Variants in ADAMTS6 observed in about 807,000 individuals in gnomAD.
ADAMTS6 encodes ADAM metallopeptidase with thrombospondin type 1 motif 6, also known as A disintegrin and metalloproteinase with thrombospondin motifs 6.
In ADAMTS6, 23 loss-of-function variants were observed where a neutral mutation model predicts 144.3. That is an observed-to-expected ratio of 0.16 (90% confidence interval 0.11 to 0.23). The LOEUF (loss-of-function observed/expected upper bound fraction) is 0.23. ADAMTS6 is among the 10% of genes least tolerant of loss of function. The pLI is 1.00. For synonymous variants in ADAMTS6, 444 were observed against 457.5 expected (o/e 0.97, Z 0.38); for missense variants, 999 against 1,379.6 (o/e 0.72, Z 4.37).
chr5:65,223,299 T>G (rs1757464661), intron 18 of ADAMTS6, among the ~76,000 whole-genome samples: 1 of 152,228 alleles, frequency 6.6e-6, no homozygotes. Flanking sequence ...ATCAAGCTAA[T>G]TTACATATCC....
At chr5:65,250,242 C>T (rs1760034824) in intron 14 of ADAMTS6, among the ~76,000 whole-genome samples, 1 of 152,154 alleles carries the variant, frequency 6.6e-6, no homozygotes, top group African/African-American at 2.4e-5. Context: ...TTTCATACAG[C>T]CTATTTATAT....
At chr5:65,398,399 C>T (rs938491826) in intron 7 of ADAMTS6, among the ~76,000 whole-genome samples, 3 of 152,160 alleles carry the variant, frequency 2.0e-5, no homozygotes, top group African/African-American at 7.2e-5. Flanking sequence ...TCCTTGATAA[C>T]TTTCCTTGCT....
intron 7 of ADAMTS6, among the ~76,000 whole-genome samples, chr5:65,385,421 C>T (rs984159423): frequency 2.0e-5 from 3 of 152,130 alleles, no homozygotes; most frequent in African/African-American, 7.2e-5. Flanking sequence ...TTCAGCTTTG[C>T]GATTTTTTAA....
chr5:65,468,371 G>A (rs1382685027), intron 3 of ADAMTS6, among the ~76,000 whole-genome samples: 3 of 151,336 alleles, frequency 2.0e-5, no homozygotes, highest in African/African-American at 7.3e-5. Context: ...CATAGGAGGT[G>A]GAGGTTGCAG....
chr5:65,275,379 GA>G (rs1486793539), intron 11 of ADAMTS6, among the ~76,000 whole-genome samples: 1 of 127,518 alleles, frequency 7.8e-6, no homozygotes, highest in African/African-American at 3.0e-5. Flanking sequence ...AAGAAAGAAA[GA>G]AAGAAAGAAA....
At chr5:65,152,949 T>C (rs1332551094) in intron 24 of ADAMTS6, among the ~76,000 whole-genome samples, 2 of 152,192 alleles carry the variant, frequency 1.3e-5, no homozygotes, top group Admixed American at 6.5e-5. Flanking sequence ...CCTGGGTAAA[T>C]TGTTGAAGGT....
chr5:65,326,127 A>G (rs72760541), intron 9 of ADAMTS6, among the ~76,000 whole-genome samples: 7,128 of 152,140 alleles, frequency 0.047, 209 homozygotes, highest in East Asian at 0.11. Flanking sequence ...ACCCCTTGTT[A>G]AGATTATTTG....
rs1036136190 is a variant in ADAMTS6 at position 65,460,112 on chromosome 5, G to C, written c.631+58C>G. 3 of 1,553,662 alleles carry C rather than the reference G, an allele frequency of 1.9e-6. No homozygotes were observed. The African/African-American group carries it at 4.1e-5, about 21-fold the overall frequency. On this transcript the variant is annotated intron_variant, in intron 4 of 24. Coordinates refer to ENST00000381055, the MANE Select transcript of ADAMTS6 (RefSeq NM_197941.4). ...GCTAACCTTACTATACTTGCCAGAA[G>C]AAAGAAAAAGCAGCAATCCAGTACA...
At chr5:65,173,849 C>G (rs1168788405) in intron 22 of ADAMTS6, among the ~76,000 whole-genome samples, 2 of 151,954 alleles carry the variant, frequency 1.3e-5, no homozygotes, top group African/African-American at 2.4e-5. Flanking sequence ...ATGGTGAAAC[C>G]CTGTCTCTAC....
chr5:65,449,251 C>T (rs190980879), intron 7 of ADAMTS6, among the ~76,000 whole-genome samples: 32 of 152,322 alleles, frequency 2.1e-4, no homozygotes, highest in Admixed American at 3.9e-4. Flanking sequence ...ATGAACTCTT[C>T]GAACTACTAA....
intron 7 of ADAMTS6, among the ~76,000 whole-genome samples, chr5:65,352,874 G>T (rs1748992447): frequency 6.6e-6 from 1 of 151,872 alleles, no homozygotes; most frequent in African/African-American, 2.4e-5. Flanking sequence ...CACCCTACTT[G>T]TCATGGCCTA....
At chr5:65,169,891 AG>A (rs58328094) in intron 24 of ADAMTS6, among the ~76,000 whole-genome samples, 5 of 82,174 alleles carry the variant, frequency 6.1e-5, no homozygotes, top group Middle Eastern at 7.4e-3. Context: ...TGTGGTGGGG[AG>A]GGGGGAGGGG....
At chr5:65,423,451 T>G (rs1455948992) in intron 7 of ADAMTS6, among the ~76,000 whole-genome samples, 1 of 152,160 alleles carries the variant, frequency 6.6e-6, no homozygotes, top group Non-Finnish European at 1.5e-5. Flanking sequence ...GTAACAAAAT[T>G]TGGATAAAAC....
intron 7 of ADAMTS6, among the ~76,000 whole-genome samples, chr5:65,423,946 A>T (rs1756287633): frequency 6.6e-6 from 1 of 152,132 alleles, no homozygotes; most frequent in African/African-American, 2.4e-5. Flanking sequence ...TGTATTGACT[A>T]TTTATCTTAA....
At chr5:65,208,190 T>C (rs571149531) in intron 20 of ADAMTS6, among the ~76,000 whole-genome samples, 31 of 152,328 alleles carry the variant, frequency 2.0e-4, no homozygotes, top group Middle Eastern at 3.4e-3. Context: ...CAGAGGTACT[T>C]GCATCTGAAT....
intron 7 of ADAMTS6, among the ~76,000 whole-genome samples, chr5:65,401,281 C>G (rs1272406814): frequency 1.3e-5 from 2 of 152,082 alleles, no homozygotes; most frequent in African/African-American, 4.8e-5. Flanking sequence ...AGTCTTTTTT[C>G]TCCCCTTTTA....
At chr5:65,313,227 G>A (rs181410363) in intron 9 of ADAMTS6, among the ~76,000 whole-genome samples, 2 of 151,076 alleles carry the variant, frequency 1.3e-5, no homozygotes, top group African/African-American at 4.9e-5. Context: ...CCAGCAGACT[G>A]GACTTACCTA....
chr5:65,426,763 A>G (rs75345675), intron 7 of ADAMTS6, among the ~76,000 whole-genome samples: 1,901 of 152,264 alleles, frequency 0.012, 34 homozygotes, highest in Admixed American at 0.044. Context: ...GATAAATGAG[A>G]AAGTCAAACA....
intron 6 of ADAMTS6, 48 bp from the exon 7 acceptor site, chr5:65,451,668 G>A: frequency 6.3e-7 from 1 of 1,598,088 alleles, no homozygotes. Context: ...AATTACTAAG[G>A]TCAGTTGTTA....
Sources: gnomAD v4.1 joint callset for allele counts (sites outside exome capture counted in the v4.1 genomes callset) on GRCh38, gnomAD v4.1.1 for gene constraint, MANE v1.5 for transcripts, NCBI Gene and HGNC (gene_info 2026-07-23, HGNC 2026-07-21) for gene names.